Variants in LHFPL7 observed in about 807,000 individuals in gnomAD.
The protein encoded by LHFPL7 is LHFPL tetraspan subfamily member 7 protein.
chr22:24,943,298 T>G, the LHFPL7 span, among the ~76,000 whole-genome samples: 1 of 152,188 alleles, frequency 6.6e-6, no homozygotes, highest in African/African-American at 2.4e-5. Flanking sequence ...TAATGCTCAA[T>G]GTCACCTGGG....
At chr22:24,936,134 C>G in the LHFPL7 span, among the ~76,000 whole-genome samples, 1 of 152,092 alleles carries the variant, frequency 6.6e-6, no homozygotes, top group African/African-American at 2.4e-5. Flanking sequence ...TACACTTCCA[C>G]CCTTCTGTCC....
chr22:24,942,293 CTCAAATGTATT>C, the LHFPL7 span, among the ~76,000 whole-genome samples: 1 of 152,226 alleles, frequency 6.6e-6, no homozygotes, highest in Non-Finnish European at 1.5e-5. Context: ...CGCGCCCGGC[CTCAAATGTATT>C]TTAATATAAA....
At chr22:24,935,258 T>G in the LHFPL7 span, 1 of 1,531,882 alleles carries the variant, frequency 6.5e-7, no homozygotes, top group East Asian at 2.3e-5. Context: ...GGAGCAGAGA[T>G]GGGATTTGAA....
At chr22:24,938,016 A>G in the LHFPL7 span, 48 of 1,359,878 alleles carry the variant, frequency 3.5e-5, no homozygotes, top group South Asian at 4.5e-5. Context: ...ATAGTCAACA[A>G]TCCTAGGGTT....
chr22:24,936,923 C>T, the LHFPL7 span, among the ~76,000 whole-genome samples: 2 of 152,030 alleles, frequency 1.3e-5, no homozygotes, highest in Admixed American at 6.5e-5. Context: ...CCCCCCCCGC[C>T]GCCCAACAAA....
the LHFPL7 span, among the ~76,000 whole-genome samples, chr22:24,942,287 C>T: frequency 6.6e-6 from 1 of 152,274 alleles, no homozygotes; most frequent in African/African-American, 2.4e-5. Context: ...AGCCACCGCG[C>T]CCGGCCTCAA....
the LHFPL7 span, among the ~76,000 whole-genome samples, chr22:24,942,240 C>T: frequency 1.3e-5 from 2 of 152,182 alleles, no homozygotes; most frequent in East Asian, 1.9e-4. Flanking sequence ...GTGATCCACC[C>T]GCCTCGGCCT....
chr22:24,940,324 T>G, the LHFPL7 span, among the ~76,000 whole-genome samples: 1 of 143,328 alleles, frequency 7.0e-6, no homozygotes, highest in African/African-American at 2.5e-5. Flanking sequence ...CCGGGCGCGG[T>G]GGCTCACGCC....
chr22:24,942,707 A>C, the LHFPL7 span, among the ~76,000 whole-genome samples: 1 of 152,168 alleles, frequency 6.6e-6, no homozygotes, highest in Admixed American at 6.5e-5. Flanking sequence ...GTACAAGAAG[A>C]TTATGAATCC....
the LHFPL7 span, among the ~76,000 whole-genome samples, chr22:24,944,717 G>GCTAT: frequency 1.1e-4 from 15 of 136,716 alleles, no homozygotes; most frequent in African/African-American, 4.8e-4. Context: ...AACATGCCTG[G>GCTAT]CTATTTATTT....
the LHFPL7 span, among the ~76,000 whole-genome samples, chr22:24,941,979 T>TTTTTTTTATTTATTTATTTATTTA: frequency 2.1e-5 from 3 of 145,888 alleles, no homozygotes; most frequent in African/African-American, 7.8e-5. Flanking sequence ...TTCAAATGTA[T>TTTTTTTTATTTATTTATTTATTTA]TTTATTTATT....
the LHFPL7 span, among the ~76,000 whole-genome samples, chr22:24,942,892 A>AGTGTGG: frequency 7.8e-6 from 1 of 128,052 alleles, no homozygotes; most frequent in African/African-American, 3.0e-5. Context: ...AAGGGGATAA[A>AGTGTGG]GTGTGTGTGT....
the LHFPL7 span, among the ~76,000 whole-genome samples, chr22:24,936,671 T>G: frequency 6.6e-6 from 1 of 152,170 alleles, no homozygotes; most frequent in South Asian, 2.1e-4. Flanking sequence ...CTTGCTCCCT[T>G]TTTTCCATGC....
At chr22:24,942,892 A>AGT in the LHFPL7 span, among the ~76,000 whole-genome samples, 23,383 of 127,874 alleles carry the variant, frequency 0.18, 2,170 homozygotes, top group East Asian at 0.37. Flanking sequence ...AAGGGGATAA[A>AGT]GTGTGTGTGT....
the LHFPL7 span, among the ~76,000 whole-genome samples, chr22:24,940,536 C>T: frequency 6.6e-6 from 1 of 151,222 alleles, no homozygotes; most frequent in Non-Finnish European, 1.5e-5. Context: ...GCGGAGCTTG[C>T]AGTGAGCCGA....
the LHFPL7 span, among the ~76,000 whole-genome samples, chr22:24,944,718 C>CTATTTATTTATTTATT: frequency 1.5e-3 from 218 of 149,086 alleles, 2 homozygotes; most frequent in African/African-American, 5.1e-3. Flanking sequence ...ACATGCCTGG[C>CTATTTATTTATTTATT]TATTTATTTA....
At chr22:24,936,587 G>A in the LHFPL7 span, among the ~76,000 whole-genome samples, 4,034 of 152,266 alleles carry the variant, frequency 0.026, 130 homozygotes, top group East Asian at 0.084. Flanking sequence ...ACTCATAAAA[G>A]AAATCAGAAG....
At chr22:24,942,058 C>T in the LHFPL7 span, among the ~76,000 whole-genome samples, 3 of 151,932 alleles carry the variant, frequency 2.0e-5, no homozygotes, top group African/African-American at 7.3e-5. Context: ...TGCAGTGGCA[C>T]GATCTCCATT....
chr22:24,938,055 G>A, the LHFPL7 span: 4 of 1,436,304 alleles, frequency 2.8e-6, no homozygotes, highest in African/African-American at 1.4e-5. Flanking sequence ...CGAGAGGCCA[G>A]GCTCTGCTCA....
Sources: gnomAD v4.1 joint callset for allele counts (sites outside exome capture counted in the v4.1 genomes callset) on GRCh38, gnomAD v4.1.1 for gene constraint, MANE v1.5 for transcripts, NCBI Gene and HGNC (gene_info 2026-07-23, HGNC 2026-07-21) for gene names.